ACP7: variants seen among roughly 807,000 people sequenced by gnomAD.
ACP7 encodes acid phosphatase type 7.
ACP7 carries 58 observed loss-of-function variants against 60.6 expected under a neutral mutation model. The ratio of observed to expected loss-of-function variants is 0.96; its 90% CI spans 0.77 to 1.19. ACP7 has a LOEUF of 1.19. Ranked by LOEUF, ACP7 falls within the 50% of genes most tolerant of loss-of-function variation. The pLI, the probability that ACP7 is intolerant of heterozygous loss-of-function variation, is 0.00. For synonymous variants in ACP7, 237 were observed against 232.6 expected (o/e 1.02, Z -0.17); for missense variants, 574 against 596.2 (o/e 0.96, Z 0.39).
In ACP7 at chr19:39,101,455, C is replaced by G; in HGVS notation, c.1042-11C>G. ...TGACTGCCTGCCACCCAACGTTGTT[C>G]CCTTCCCCAGGTATTTAACGGCAGC... On this transcript the variant is annotated splice_polypyrimidine_tract_variant and intron_variant, in intron 10 of 12. Coordinates refer to ENST00000331256, the MANE Select transcript of ACP7 (RefSeq NM_001004318.3). The G allele has an allele frequency of 1.2e-6, 2 of 1,614,154 alleles. No homozygotes were observed. Among genetic ancestry groups the G allele is most frequent in the South Asian group, 2.2e-5 (2 of 91,082 alleles).
chr19:39,096,468 C>T (rs1432450434), intron 2 of ACP7, among the ~76,000 whole-genome samples: 1 of 152,292 alleles, frequency 6.6e-6, no homozygotes, highest in South Asian at 2.1e-4. Flanking sequence ...ATTTCATTGT[C>T]CATATCATTA....
intron 2 of ACP7, among the ~76,000 whole-genome samples, chr19:39,091,991 A>G (rs1226745868): frequency 6.6e-6 from 1 of 152,172 alleles, no homozygotes; most frequent in Non-Finnish European, 1.5e-5. Context: ...CCATGGGTTT[A>G]TTTTAGCCTT....
intron 2 of ACP7, among the ~76,000 whole-genome samples, chr19:39,086,870 T>G (rs2073148497): frequency 6.6e-6 from 1 of 152,198 alleles, no homozygotes; most frequent in Non-Finnish European, 1.5e-5. Flanking sequence ...TTAAAATTTT[T>G]TATTGTCATT....
Position 39,098,606 on chromosome 19 carries a change from G to C in ACP7, c.270G>C (p.Lys90Asn). 1 of 1,613,790 alleles carries C rather than the reference G, an allele frequency of 6.2e-7. No homozygotes were observed. The highest frequency in any genetic ancestry group is 8.5e-7 in the Non-Finnish European group (1 of 1,179,870). The stretch of plus-strand genomic sequence containing the variant: ...TGGACGGGGGCATTCTCCGGCGGAA[G>C]CTCTACATACACCGAGTCACGCTTC... ...PFVDGGILRR[K>N]LYIHRVTLRK... Residue 90 changes from lysine (K) to asparagine (N), a missense_variant, in exon 3 of 13, where the codon AAG (lysine) becomes AAC (asparagine). Physicochemically the swap from Lys to Asn is moderately conservative, Grantham distance 94. Coordinates refer to ENST00000331256, the MANE Select transcript of ACP7 (RefSeq NM_001004318.3).
At position 39,100,941 on chromosome 19, in the gene ACP7, C is replaced by T. The variant is rs1385736843; in HGVS notation, c.808-8C>T. The T allele has an allele frequency of 1.9e-6, 3 of 1,606,706 alleles. No individual in the cohort carries two copies. The Admixed American group carries it at 5.0e-5, about 27-fold the overall frequency. ...TCCTAGCCCCTCACCCTGGGCCCTTCTCCCTAGAAAGCCAATAAGAACCGG... is the reference window on the plus strand; with the variant it reads ...TCCTAGCCCCTCACCCTGGGCCCTTTTCCCTAGAAAGCCAATAAGAACCGG... On this transcript the variant is annotated splice_region_variant and splice_polypyrimidine_tract_variant and intron_variant, in intron 7 of 12. Transcript: ENST00000331256.
In ACP7 at chr19:39,098,546, G is replaced by A. The variant is rs2073297653; in HGVS notation, c.210G>A (p.Leu70=). Residue 70 remains leucine (L), a synonymous_variant, in exon 3 of 13, where the codon CTG becomes CTA. Coordinates refer to ENST00000331256, the MANE Select transcript of ACP7 (RefSeq NM_001004318.3). ...TCGGGTTGCAGCCGTCGGGGCCCCT[G>A]CCCCTCCGCGCCCAGGGCACCTTCG... ...VQFGLQPSGP[L]PLRAQGTFVP... 1 of 1,612,704 alleles carries A rather than the reference G, an allele frequency of 6.2e-7. No homozygotes were observed. The highest frequency in any genetic ancestry group is 1.7e-5 in the Admixed American group (1 of 59,856).
chr19:39,107,852 C>T (rs184199216), intron 12 of ACP7, among the ~76,000 whole-genome samples: 28 of 152,064 alleles, frequency 1.8e-4, no homozygotes, highest in Admixed American at 1.6e-3. Context: ...CACCACTGCC[C>T]TCCAGCCTGG....
chr19:39,087,296 G>A (rs2073153886), intron 2 of ACP7, among the ~76,000 whole-genome samples: 1 of 152,138 alleles, frequency 6.6e-6, no homozygotes, highest in South Asian at 2.1e-4. Context: ...ACAGACATGA[G>A]CCACCGCGCC....
chr19:39,099,047 C>T lies in ACP7; in HGVS notation c.410C>T (p.Ala137Val). 1 of 1,612,736 alleles carries T rather than the reference C, an allele frequency of 6.2e-7. No individual in the cohort carries two copies. ...KNGAHWSPRLAVFGDLGADNP... is the reference protein window; with the variant it reads ...KNGAHWSPRLVVFGDLGADNP... ...GGGGCCCACTGGAGTCCCCGTCTGGCTGTGTTTGGAGACCTGGGGGCTGAC... is the reference window on the plus strand; with the variant it reads ...GGGGCCCACTGGAGTCCCCGTCTGGTTGTGTTTGGAGACCTGGGGGCTGAC... The change falls in exon 4 of 13, where the codon GCT (alanine) becomes GTT (valine). Residue 137 changes from alanine (A) to valine (V), a missense_variant. Transcript: ENST00000331256.
intron 2 of ACP7, among the ~76,000 whole-genome samples, chr19:39,089,035 T>G (rs577937467): frequency 6.6e-6 from 1 of 152,180 alleles, no homozygotes; most frequent in African/African-American, 2.4e-5. Context: ...GTTCAAGCGA[T>G]TCTCCTGCCT....
chr19:39,092,771 CTTTTTTTTTTTTT>C (rs67888880), intron 2 of ACP7, among the ~76,000 whole-genome samples: 61 of 114,668 alleles, frequency 5.3e-4, no homozygotes, highest in East Asian at 6.2e-4. Flanking sequence ...TCCCATTCCT[CTTTTTTTTTTTTT>C]TTTTTTTTTT....
At chr19:39,093,032 C>A in intron 2 of ACP7, among the ~76,000 whole-genome samples, 1 of 151,944 alleles carries the variant, frequency 6.6e-6, no homozygotes, top group South Asian at 2.1e-4. Context: ...CCTGCCTTGG[C>A]CTCCCAAAGT....
chr19:39,107,715 G>A (rs932209471), intron 12 of ACP7, among the ~76,000 whole-genome samples: 8 of 151,664 alleles, frequency 5.3e-5, no homozygotes, highest in Non-Finnish European at 7.4e-5. Flanking sequence ...GTGAAACCCC[G>A]TCTCTACTAA....
Position 39,099,152 on chromosome 19 carries a change from C to CCGCAGGGGCGCG in ACP7, c.505+18_505+29dup, listed in dbSNP as rs2073309666. 50 of 1,503,500 alleles carry CCGCAGGGGCGCG rather than the reference C, an allele frequency of 3.3e-5. No individual in the cohort carries two copies. The highest frequency in any genetic ancestry group is 4.0e-5 in the Non-Finnish European group (45 of 1,135,378). The allele number at this position is 1,503,500 out of a possible 1,614,324, so 93.1% of individuals were successfully genotyped here. A position where few individuals can be genotyped will look rare whatever the true frequency, so the allele number is the denominator to read the frequency against. On this transcript the variant is annotated intron_variant, in intron 4 of 12. Coordinates refer to ENST00000331256, the MANE Select transcript of ACP7 (RefSeq NM_001004318.3). ...GCCGTTCTCCATGTGGGTGAGGCAT[C>CCGCAGGGGCGCG]CGCAGGGGCGCGCGCAGGGACGGTG...
intron 2 of ACP7, among the ~76,000 whole-genome samples, chr19:39,091,239 A>T (rs773661933): frequency 1.3e-5 from 2 of 149,878 alleles, no homozygotes. Context: ...CTCAGCTCAC[A>T]GCAACCTCCG....
intron 2 of ACP7, among the ~76,000 whole-genome samples, chr19:39,093,496 C>T (rs1361245611): frequency 1.3e-5 from 2 of 152,070 alleles, no homozygotes; most frequent in Non-Finnish European, 2.9e-5. Flanking sequence ...TCAAGTGACC[C>T]ACCTTCCTGA....
At position 39,101,459 on chromosome 19, in the gene ACP7, TC is replaced by T; in HGVS notation, c.1042-3del. ...TGCCTGCCACCCAACGTTGTTCCCT[TC>T]CCCAGGTATTTAACGGCAGCCGAGA... On this transcript the variant is annotated splice_polypyrimidine_tract_variant and splice_region_variant and intron_variant, in intron 10 of 12. Transcript: ENST00000331256. The T allele has an allele frequency of 6.2e-7, 1 of 1,614,010 alleles. No individual in the cohort carries two copies. The highest frequency in any genetic ancestry group is 8.5e-7 in the Non-Finnish European group (1 of 1,179,992).
Position 39,110,442 on chromosome 19 carries a change from CT to C in ACP7, c.*325del. Reference sequence around the variant, plus strand: ...GGCTTCAGGAATGAAGAGGCTTAAGCTCTGGCTCCATGGATTCTGCACATCT... The same window carrying C: ...GGCTTCAGGAATGAAGAGGCTTAAGCCTGGCTCCATGGATTCTGCACATCT... On this transcript the variant is annotated 3_prime_UTR_variant, in exon 13 of 13. Coordinates refer to ENST00000331256, the MANE Select transcript of ACP7 (RefSeq NM_001004318.3). 2 of 267,756 alleles carry C rather than the reference CT, an allele frequency of 7.5e-6. No homozygotes were observed. Among genetic ancestry groups the C allele is most frequent in the Non-Finnish European group, 1.4e-5 (2 of 140,642 alleles). 16.6% of individuals were successfully genotyped at this position (267,756 alleles called of 1,614,324 possible).
chr19:39,100,156 C>G, intron 4 of ACP7, 71 bp from the exon 5 acceptor site: 2 of 1,585,520 alleles, frequency 1.3e-6, no homozygotes, highest in Admixed American at 1.7e-5. Flanking sequence ...GTCACCATAC[C>G]TGGCTCTCTC....
Sources: allele counts gnomAD v4.1 joint callset (sites outside exome capture counted in the v4.1 genomes callset), GRCh38; gene constraint gnomAD v4.1.1; transcripts MANE v1.5; gene names NCBI Gene and HGNC (gene_info 2026-07-23, HGNC 2026-07-21).